Variants in CC2D2A observed in about 807,000 individuals in gnomAD.
CC2D2A encodes coiled-coil and C2 domain-containing protein 2A.
Under a neutral mutation model 212.9 loss-of-function variants are expected in CC2D2A, and 155 were observed. The observed-to-expected ratio is 0.73, with a 90% CI of 0.64 to 0.83. The LOEUF is 0.83. CC2D2A is among the 40% of genes least tolerant of loss of function. The pLI, the probability that CC2D2A is intolerant of heterozygous loss-of-function variation, is 0.00. For synonymous variants in CC2D2A, 667 were observed against 686.5 expected (o/e 0.97, Z 0.44); for missense variants, 1,856 against 1,956.2 (o/e 0.95, Z 0.97).
At chr4:15,480,901 A>G in intron 4 of CC2D2A, 74 bp downstream of exon 4, 1 of 1,518,492 alleles carries the variant, frequency 6.6e-7, no homozygotes, top group Non-Finnish European at 8.9e-7. Flanking sequence ...CAGTATAGGG[A>G]TTTTTTATGG....
Position 15,567,445 on chromosome 4 carries a change from A to G in CC2D2A, c.3251A>G (p.Tyr1084Cys). The stretch of plus-strand genomic sequence containing the variant: ...AAGCATGCTGCTTCCCCAAGCACGT[A>G]CAGCCCAACCCACAATGCTGACTAC... ...SEKHAASPST[Y>C]SPTHNADYPL... The change falls in exon 25 of 37, where the codon TAC (tyrosine) becomes TGC (cysteine). Residue 1084 changes from tyrosine to cysteine, a missense_variant. Coordinates refer to ENST00000424120, the MANE Select transcript of CC2D2A (RefSeq NM_001378615.1). 1.9e-6 allele frequency: 3 copies of G among 1,613,680 alleles called. No individual in the cohort carries two copies. The highest frequency in any genetic ancestry group is 2.5e-6 in the Non-Finnish European group (3 of 1,179,726).
intron 32 of CC2D2A, among the ~76,000 whole-genome samples, 196 bp downstream of exon 32, chr4:15,588,125 T>C (rs1720936182): frequency 6.6e-6 from 1 of 152,188 alleles, no homozygotes; most frequent in African/African-American, 2.4e-5. Flanking sequence ...CAGGGCCCCA[T>C]GCAACACTTC....
intron 4 of CC2D2A, among the ~76,000 whole-genome samples, chr4:15,497,303 G>A (rs535204783): frequency 3.6e-4 from 55 of 152,228 alleles, no homozygotes; most frequent in Non-Finnish European, 7.4e-5. Context: ...CTGAAGTCAA[G>A]CTGGCTTTTG....
chr4:15,514,578 A>T, intron 8 of CC2D2A, 129 bp from the exon 9 acceptor site: 1 of 740,492 alleles, frequency 1.4e-6, no homozygotes, highest in Non-Finnish European at 2.0e-6. Context: ...CTATGCTTTC[A>T]CTTTTTTAAA....
chr4:15,511,122 C>T, intron 7 of CC2D2A, 125 bp from the exon 8 acceptor site: 1 of 1,079,560 alleles, frequency 9.3e-7, no homozygotes, highest in Non-Finnish European at 1.3e-6. Context: ...TTAACTAAGA[C>T]AATATGCTTC....
chr4:15,586,701 T>TA (rs1420579529), intron 31 of CC2D2A, among the ~76,000 whole-genome samples: 2 of 152,160 alleles, frequency 1.3e-5, no homozygotes, highest in Admixed American at 6.5e-5. Context: ...GAAATAAACA[T>TA]AGTCTCTGCC....
intron 11 of CC2D2A, among the ~76,000 whole-genome samples, chr4:15,524,229 G>A (rs2109020935): frequency 6.6e-6 from 1 of 152,098 alleles, no homozygotes; most frequent in South Asian, 2.1e-4. Flanking sequence ...CGCCTCCTGG[G>A]TTCAAGCAAT....
At chr4:15,486,947 G>C (rs543548325) in intron 4 of CC2D2A, among the ~76,000 whole-genome samples, 1 of 151,854 alleles carries the variant, frequency 6.6e-6, no homozygotes, top group East Asian at 1.9e-4. Context: ...TGAATTTGTA[G>C]AGTTTTCAGA....
intron 13 of CC2D2A, among the ~76,000 whole-genome samples, chr4:15,531,351 G>A (rs994172029): frequency 6.6e-6 from 1 of 152,144 alleles, no homozygotes; most frequent in African/African-American, 2.4e-5. Flanking sequence ...TCTCCTGGGT[G>A]TCCTCGTCCC....
chr4:15,526,439 A>C (rs935600291), intron 11 of CC2D2A, among the ~76,000 whole-genome samples: 3 of 152,202 alleles, frequency 2.0e-5, no homozygotes, highest in Admixed American at 6.5e-5. Flanking sequence ...TTTACATAAC[A>C]CCATGCAAAA....
At chr4:15,516,597 G>A (rs1217549088) in intron 10 of CC2D2A, 28 bp from the exon 11 acceptor site, 3 of 1,595,412 alleles carry the variant, frequency 1.9e-6, no homozygotes, top group East Asian at 4.5e-5. Context: ...AGAAGAAAAT[G>A]TTGCCATTCC....
intron 30 of CC2D2A, among the ~76,000 whole-genome samples, chr4:15,581,769 GA>G (rs1340165783): frequency 5.3e-5 from 8 of 152,168 alleles, no homozygotes; most frequent in African/African-American, 1.9e-4. Context: ...AACTTCAACT[GA>G]AAATCTAGTT....
intron 4 of CC2D2A, among the ~76,000 whole-genome samples, chr4:15,493,995 C>T (rs1415605884): frequency 6.6e-6 from 1 of 152,306 alleles, no homozygotes; most frequent in African/African-American, 2.4e-5. Flanking sequence ...ACACACTTAA[C>T]CTAGCATTTC....
rs751142207 is a variant in CC2D2A at position 15,528,737 on chromosome 4, TTTG to T, written c.1466+14_1466+16del. ...TAAATCTGAAATTCGGTGAGTAAAGTTTGTTAAGTGTAACTACTTTTTTTCCCG... is the reference window on the plus strand; with the variant it reads ...TAAATCTGAAATTCGGTGAGTAAAGTTTAAGTGTAACTACTTTTTTTCCCG... On this transcript the variant is annotated intron_variant, in intron 13 of 36. Transcript: ENST00000424120. The T allele has an allele frequency of 5.1e-6, 8 of 1,582,254 alleles. No individual in the cohort carries two copies. The highest frequency in any genetic ancestry group is 6.9e-6 in the Non-Finnish European group (8 of 1,156,254).
chr4:15,570,882 C>T (rs1720132889), intron 28 of CC2D2A, among the ~76,000 whole-genome samples: 2 of 151,964 alleles, frequency 1.3e-5, no homozygotes, highest in Admixed American at 1.3e-4. Context: ...GGCGAGACTC[C>T]ATGTCAGAAA....
At chr4:15,586,077 A>G in intron 30 of CC2D2A, 80 bp from the exon 31 acceptor site, 1 of 922,484 alleles carries the variant, frequency 1.1e-6, no homozygotes, top group Non-Finnish European at 1.8e-6. Context: ...GTAATATTTG[A>G]GATTTAAGAA....
chr4:15,535,232 C>T (rs1165110872), intron 14 of CC2D2A, among the ~76,000 whole-genome samples: 2 of 152,146 alleles, frequency 1.3e-5, no homozygotes, highest in Admixed American at 1.3e-4. Context: ...GGCTGAGCCT[C>T]CCACAGAAGC....
intron 17 of CC2D2A, among the ~76,000 whole-genome samples, chr4:15,550,208 A>T (rs1718925152): frequency 6.6e-6 from 1 of 152,238 alleles, no homozygotes; most frequent in Admixed American, 6.5e-5. Context: ...TGGCATCATA[A>T]TGAGACACAC....
intron 1 of CC2D2A, among the ~76,000 whole-genome samples, chr4:15,470,688 T>TATATA (rs1353122202): frequency 1.1e-4 from 2 of 18,438 alleles, no homozygotes; most frequent in African/African-American, 2.6e-4. Flanking sequence ...TCTCTCTCTC[T>TATATA]CTATATATAT....
Sources: gnomAD v4.1 joint callset for allele counts (sites outside exome capture counted in the v4.1 genomes callset) on GRCh38, gnomAD v4.1.1 for gene constraint, MANE v1.5 for transcripts, NCBI Gene and HGNC (gene_info 2026-07-23, HGNC 2026-07-21) for gene names.